The following TENM1 variants were observed in gnomAD, a reference collection of about 807,000 sequenced individuals.
The protein encoded by TENM1 is teneurin transmembrane protein 1, also known as teneurin-1.
A neutral mutation model predicts 174.8 loss-of-function variants in TENM1; 35 were observed. The ratio of observed to expected loss-of-function variants is 0.20; its 90% CI spans 0.15 to 0.27. The LOEUF (loss-of-function observed/expected upper bound fraction) is 0.27. Among genes scored for constraint, TENM1 ranks in the 10% least tolerant of loss-of-function variants. TENM1 has a pLI of 1.00. For missense variants in TENM1, 1,633 were observed against 2,130.1 expected (o/e 0.77, Z 4.59); for synonymous variants, 781 against 798.7 (o/e 0.98, Z 0.37).
At chrX:124,928,267 T>C (rs1569483040) in intron 1 of TENM1, among the ~76,000 whole-genome samples, 1 of 112,346 alleles carries the variant, frequency 8.9e-6, no homozygotes. Context: ...TAAGTTATTT[T>C]GGTTTGCTTA....
chrX:124,420,853 G>T, intron 24 of TENM1, 32 bp from the exon 28 acceptor site: 1 of 1,163,593 alleles, frequency 8.6e-7, no homozygotes, highest in Non-Finnish European at 1.2e-6. Context: ...TTAACAATTG[G>T]CATCATAAGC....
intron 14 of TENM1, among the ~76,000 whole-genome samples, chrX:124,547,349 T>C (rs1476801009): frequency 2.7e-5 from 3 of 112,026 alleles, no homozygotes; most frequent in African/African-American, 9.7e-5. Flanking sequence ...CTGGAGAATA[T>C]AGTTTATATA....
intron 19 of TENM1, among the ~76,000 whole-genome samples, chrX:124,499,613 A>G (rs1385457097): frequency 8.9e-6 from 1 of 111,889 alleles, no homozygotes; most frequent in Non-Finnish European, 1.9e-5. Context: ...GATTTAGAAT[A>G]GTTAATTAAG....
chrX:124,790,452 G>T (rs1360054938), intron 3 of TENM1, among the ~76,000 whole-genome samples: 1 of 111,932 alleles, frequency 8.9e-6, no homozygotes, highest in Non-Finnish European at 1.9e-5. Context: ...GGTTCCACCT[G>T]ACTGTTTTTG....
At chrX:124,411,877 T>C (rs1310952760) in intron 25 of TENM1, 1 of 112,322 alleles carries the variant, frequency 8.9e-6, no homozygotes, top group East Asian at 2.8e-4. Context: ...CAAAATCTCT[T>C]CTGCTGTGTG....
the TENM1 span, among the ~76,000 whole-genome samples, chrX:125,119,321 G>A: frequency 1.2e-4 from 13 of 111,487 alleles, no homozygotes; most frequent in Admixed American, 9.5e-4. Context: ...TCACCTCTGT[G>A]GTGAGAACAG....
chrX:124,687,976 A>G (rs907513869), intron 5 of TENM1, among the ~76,000 whole-genome samples: 10 of 111,928 alleles, frequency 8.9e-5, no homozygotes, highest in African/African-American at 3.2e-4. Flanking sequence ...AATTCTCGAA[A>G]TCTAATGTAT....
At chrX:124,546,288 T>G (rs886937014) in intron 15 of TENM1, among the ~76,000 whole-genome samples, 2 of 112,155 alleles carry the variant, frequency 1.8e-5, no homozygotes, top group African/African-American at 6.5e-5. Flanking sequence ...AAATATATCA[T>G]CGCTGAAGAT....
chrX:124,713,757 G>C (rs1415910294), intron 4 of TENM1, among the ~76,000 whole-genome samples: 1 of 112,109 alleles, frequency 8.9e-6, no homozygotes, highest in Non-Finnish European at 1.9e-5. Flanking sequence ...TTTGTATGAT[G>C]CCTTTGTTTC....
At chrX:124,747,222 C>T (rs16994531) in intron 3 of TENM1, among the ~76,000 whole-genome samples, 11,329 of 107,642 alleles carry the variant, frequency 0.11, 655 homozygotes, top group African/African-American at 0.2. Context: ...GGAATCTGCT[C>T]ATATGATATT....
At chrX:124,728,645 AC>A (rs1170082641) in intron 4 of TENM1, among the ~76,000 whole-genome samples, 1 of 110,648 alleles carries the variant, frequency 9.0e-6, no homozygotes, top group African/African-American at 3.3e-5. Flanking sequence ...GGTTAGATCT[AC>A]CCCCCTCCAA....
In TENM1 at chrX:124,685,561, G is replaced by GTTTTT. The variant is rs201481902; in HGVS notation, c.1016-13731_1016-13727dup. Among the ~76,000 whole-genome samples the GTTTTT allele has an allele frequency of 6.4e-3, 605 of 94,460 alleles. 15 individuals are homozygous for GTTTTT. The highest frequency in any genetic ancestry group is 0.023 in the African/African-American group (582 of 24,951). 82.0% of individuals were successfully genotyped at this position (94,460 alleles called of 115,157 possible). Reference sequence around the variant, plus strand: ...GCTTATGGTCTCTTCAAGCAAATCTGTTTTTTTTTTTTTTTGAGATGGAGT... The same window carrying GTTTTT: ...GCTTATGGTCTCTTCAAGCAAATCTGTTTTTTTTTTTTTTTTTTTTGAGATGGAGT... On this transcript the variant is annotated intron_variant, in intron 5 of 31. Coordinates refer to ENST00000422452, the Ensembl canonical transcript of TENM1.
intron 11 of TENM1, among the ~76,000 whole-genome samples, chrX:124,640,318 C>A (rs1400537572): frequency 9.0e-6 from 1 of 111,307 alleles, no homozygotes; most frequent in Admixed American, 9.5e-5. Context: ...AATTATTACG[C>A]TAAAATTAAG....
chrX:124,879,026 T>C (rs1032866610), intron 3 of TENM1, among the ~76,000 whole-genome samples: 14 of 112,422 alleles, frequency 1.2e-4, no homozygotes, highest in Admixed American at 1.2e-3. Flanking sequence ...ATTTATGGGA[T>C]ACATGTGATA....
At chrX:124,589,804 C>CT (rs1287367534) in intron 11 of TENM1, among the ~76,000 whole-genome samples, 1 of 111,397 alleles carries the variant, frequency 9.0e-6, no homozygotes, top group Non-Finnish European at 1.9e-5. Flanking sequence ...GCTCTTCTCC[C>CT]TTTTTTATTT....
chrX:124,497,106 G>A (rs1310927578), exon 20 of TENM1: 1 of 1,208,506 alleles, frequency 8.3e-7, no homozygotes, highest in African/African-American at 1.8e-5. Flanking sequence ...ATCAGGGCCA[G>A]AAGCTAAGGC....
At chrX:125,197,499 T>C in the TENM1 span, among the ~76,000 whole-genome samples, 1 of 111,798 alleles carries the variant, frequency 8.9e-6, no homozygotes, top group Non-Finnish European at 1.9e-5. Context: ...TGCAAGCATC[T>C]GCTGAAAGGT....
At chrX:125,145,407 A>T in the TENM1 span, among the ~76,000 whole-genome samples, 1 of 112,679 alleles carries the variant, frequency 8.9e-6, no homozygotes, top group African/African-American at 3.2e-5. Context: ...AATAAATGTA[A>T]GTGATTCTCC....
chrX:124,582,963 C>T lies in TENM1; in HGVS notation c.2078-17403G>A, dbSNP rs1177217555. Among the ~76,000 whole-genome samples, 4 of 112,429 alleles carry T rather than the reference C, an allele frequency of 3.6e-5. No individual in the cohort carries two copies. In the East Asian group the frequency reaches 8.4e-4, roughly 24 times the overall value. On this transcript the variant is annotated intron_variant, in intron 11 of 31. Coordinates refer to ENST00000422452, the Ensembl canonical transcript of TENM1. ...AGCAGTCTGAGATCAAATTGCAAGA[C>T]TGCAGCGACGCTGGGGGAGGGGCAC...
Sources: allele counts gnomAD v4.1 joint callset (sites outside exome capture counted in the v4.1 genomes callset), GRCh38; gene constraint gnomAD v4.1.1; transcripts MANE v1.5; gene names NCBI Gene and HGNC (gene_info 2026-07-23, HGNC 2026-07-21).